Variants in FAM222B observed in about 807,000 individuals in gnomAD.
The protein encoded by FAM222B is protein FAM222B.
FAM222B carries 12 observed loss-of-function variants against 38.0 expected under a neutral mutation model. The ratio of observed to expected loss-of-function variants is 0.32; its 90% CI spans 0.20 to 0.51. FAM222B has a LOEUF of 0.51. Ranked by LOEUF, FAM222B falls within the 20% of genes least tolerant of loss-of-function variation. The pLI, the probability that FAM222B is intolerant of heterozygous loss-of-function variation, is 0.97. For synonymous variants in FAM222B, 329 were observed against 317.2 expected, an observed-to-expected ratio of 1.04 and a Z score of -0.40; for missense variants, 716 against 754.2, an observed-to-expected ratio of 0.95 and a Z score of 0.59.
rs561363796 is a variant in FAM222B, at chr17:28,839,282, A to G, written c.-41+3400T>C. Among the ~76,000 whole-genome samples, 4 of 152,330 alleles carry G rather than the reference A, an allele frequency of 2.6e-5. No individual in the cohort carries two copies. In the East Asian group the frequency reaches 7.7e-4, roughly 29 times the overall value. On this transcript the variant is annotated intron_variant, in intron 1 of 2. Coordinates refer to ENST00000581407, the MANE Select transcript of FAM222B (RefSeq NM_001077498.3). ...CCTGGTATGTCAGAGATTCACAGGA[A>G]GTCCTTAAATCTCCAAAGTTCCTCT...
chr17:28,762,721 G>C (rs543603425), intron 2 of FAM222B, among the ~76,000 whole-genome samples: 2 of 149,706 alleles, frequency 1.3e-5, no homozygotes, highest in South Asian at 4.2e-4. Flanking sequence ...GGTGGATCAC[G>C]AGGTCAGGAG....
chr17:28,767,876 T>C (rs1322830271), intron 1 of FAM222B, among the ~76,000 whole-genome samples: 2 of 152,204 alleles, frequency 1.3e-5, no homozygotes, highest in Non-Finnish European at 2.9e-5. Context: ...TCACCCTTCC[T>C]GACATGCAAT....
At chr17:28,789,100 A>C (rs1214992658) in intron 1 of FAM222B, among the ~76,000 whole-genome samples, 1 of 151,262 alleles carries the variant, frequency 6.6e-6, no homozygotes, top group African/African-American at 2.4e-5. Context: ...AAAAAAAAAA[A>C]AAACTAACAC....
upstream of FAM222B, among the ~76,000 whole-genome samples, chr17:28,846,777 C>T (rs1337342326): frequency 1.3e-5 from 2 of 152,014 alleles, no homozygotes; most frequent in Non-Finnish European, 2.9e-5. Context: ...GGAATTCAAC[C>T]ATCCGAAGAA....
intron 1 of FAM222B, among the ~76,000 whole-genome samples, chr17:28,772,254 T>TC (rs1193948291): frequency 6.6e-6 from 1 of 152,140 alleles, no homozygotes; most frequent in African/African-American, 2.4e-5. Flanking sequence ...TGTCTTTTTT[T>TC]CTCCTTCTTC....
In FAM222B at chr17:28,758,957, G is replaced by T. The variant is rs554449532; in HGVS notation, c.1002C>A (p.Thr334=). 9 of 1,610,576 alleles carry T rather than the reference G, an allele frequency of 5.6e-6. No individual in the cohort carries two copies. Among genetic ancestry groups the T allele is most frequent in the Non-Finnish European group, 7.6e-6 (9 of 1,178,632 alleles). Residue 334 remains threonine, a synonymous_variant, in exon 3 of 3, where the codon ACC becomes ACA. Coordinates refer to ENST00000581407, the MANE Select transcript of FAM222B (RefSeq NM_001077498.3). Reference sequence around the variant, plus strand: ...CAGGACCTGCAGCAGGCAACGCGGCGGTGGCCGCGTGGGTGTGCTCCATGG... The same window carrying T: ...CAGGACCTGCAGCAGGCAACGCGGCTGTGGCCGCGTGGGTGTGCTCCATGG... ...VNPMEHTHAA[T]AALPAAGPVN...
At position 28,823,013 on chromosome 17, in the gene FAM222B, G is replaced by A. The variant is rs1321644014; in HGVS notation, c.-41+19669C>T. Among the ~76,000 whole-genome samples the A allele has an allele frequency of 1.1e-4, 16 of 144,452 alleles. 1 individual carries two copies. Among genetic ancestry groups the A allele is most frequent in the Admixed American group, 6.9e-4 (10 of 14,460 alleles). The allele number at this position is 144,452 out of a possible 152,430, so 94.8% of individuals were successfully genotyped here. A position where few individuals can be genotyped will look rare whatever the true frequency, so the allele number is the denominator to read the frequency against. ...AGAGGTTGCAGTGAGCCAAGATCAC[G>A]CCACTGCACTCCAGCCTGGGCAAGA... On this transcript the variant is annotated intron_variant, in intron 1 of 2. Coordinates refer to ENST00000581407, the MANE Select transcript of FAM222B (RefSeq NM_001077498.3).
upstream of FAM222B, among the ~76,000 whole-genome samples, chr17:28,847,622 A>C (rs546238811): frequency 1.0e-3 from 153 of 151,578 alleles, 1 homozygote; most frequent in Admixed American, 1.6e-3. Flanking sequence ...TAATTAAATA[A>C]AGAAAAACAA....
chr17:28,806,873 G>A (rs771377295), intron 1 of FAM222B, among the ~76,000 whole-genome samples: 1 of 152,008 alleles, frequency 6.6e-6, no homozygotes, highest in Non-Finnish European at 1.5e-5. Flanking sequence ...CTTGGCTCTC[G>A]GTCTGGCTTC....
chr17:28,784,294 T>C (rs2151849725), intron 1 of FAM222B, among the ~76,000 whole-genome samples: 1 of 151,194 alleles, frequency 6.6e-6, no homozygotes, highest in South Asian at 2.1e-4. Context: ...GGCAACGCAG[T>C]AAAATTCCAA....
At chr17:28,778,267 C>T (rs926045538) in intron 1 of FAM222B, among the ~76,000 whole-genome samples, 1 of 151,858 alleles carries the variant, frequency 6.6e-6, no homozygotes, top group African/African-American at 2.4e-5. Flanking sequence ...CACCCACCGA[C>T]AGGTCCTGGT....
chr17:28,825,553 G>A (rs558219524), intron 1 of FAM222B, among the ~76,000 whole-genome samples: 19 of 150,826 alleles, frequency 1.3e-4, no homozygotes, highest in South Asian at 8.4e-4. Context: ...CTCATTCACC[G>A]TATTCAAACA....
chr17:28,766,693 G>A lies in FAM222B; in HGVS notation c.-26C>T, dbSNP rs965993871. 1.0e-5 allele frequency: 16 copies of A among 1,565,986 alleles called. No homozygotes were observed. The highest frequency in any genetic ancestry group is 1.4e-5 in the Non-Finnish European group (16 of 1,147,566). On this transcript the variant is annotated 5_prime_UTR_variant, in exon 2 of 3. Transcript: ENST00000581407. ...GGCAGATTGGCATCAACACAACATG[G>A]GGCAGTGGCTCACACTGTAATGAAC... is the stretch of plus-strand genomic sequence containing the variant.
chr17:28,771,120 A>C (rs534618047), intron 1 of FAM222B, among the ~76,000 whole-genome samples: 1 of 151,960 alleles, frequency 6.6e-6, no homozygotes, highest in African/African-American at 2.4e-5. Flanking sequence ...TGCTAAATCC[A>C]AGGTCAGACA....
intron 1 of FAM222B, among the ~76,000 whole-genome samples, chr17:28,820,019 GAA>G (rs751195404): frequency 5.3e-5 from 8 of 152,012 alleles, no homozygotes; most frequent in Non-Finnish European, 1.2e-4. Context: ...TCAAATTCCA[GAA>G]AAAAAGATTC....
chr17:28,829,766 C>G (rs967955563), intron 1 of FAM222B, among the ~76,000 whole-genome samples: 4 of 152,142 alleles, frequency 2.6e-5, no homozygotes, highest in Admixed American at 2.0e-4. Context: ...ATAAATAAAG[C>G]TGCTGTAAAC....
At chr17:28,810,657 C>A (rs1396413603) in intron 1 of FAM222B, among the ~76,000 whole-genome samples, 1 of 152,180 alleles carries the variant, frequency 6.6e-6, no homozygotes, top group Admixed American at 6.5e-5. Context: ...ACTCATGGAG[C>A]CTTAAGGGAC....
At chr17:28,765,200 T>C (rs2035272143) in intron 2 of FAM222B, among the ~76,000 whole-genome samples, 1 of 152,186 alleles carries the variant, frequency 6.6e-6, no homozygotes. Context: ...AGTCTTACGC[T>C]CTCTCAAAGA....
intron 1 of FAM222B, among the ~76,000 whole-genome samples, chr17:28,769,504 G>A (rs1307912479): frequency 1.3e-5 from 2 of 150,838 alleles, no homozygotes; most frequent in Non-Finnish European, 3.0e-5. Flanking sequence ...ACCCCATGTT[G>A]GCCAGGATGG....
Sources: allele counts gnomAD v4.1 joint callset (sites outside exome capture counted in the v4.1 genomes callset), GRCh38; gene constraint gnomAD v4.1.1; transcripts MANE v1.5; gene names NCBI Gene and HGNC (gene_info 2026-07-23, HGNC 2026-07-21).